Variants in NRG1 observed in about 807,000 individuals in gnomAD.
NRG1 encodes pro-neuregulin-1, membrane-bound isoform.
In NRG1, 18 loss-of-function variants were observed where a neutral mutation model predicts 63.8. The ratio of observed to expected loss-of-function variants is 0.28; its 90% CI spans 0.19 to 0.42. NRG1 has a LOEUF of 0.42. Among genes scored for constraint, NRG1 ranks in the 10% least tolerant of loss-of-function variants. The pLI is 1.00. For missense variants in NRG1, 762 were observed against 814.7 expected, an observed-to-expected ratio of 0.94 and a Z score of 0.79; for synonymous variants, 302 against 301.3, an observed-to-expected ratio of 1.00 and a Z score of -0.02.
Position 32,280,297 on chromosome 8 carries a change from A to G in NRG1, c.38-315531A>G, listed in dbSNP as rs115569146. 7.9e-3 allele frequency among the ~76,000 whole-genome samples: 1,206 copies of G among 152,372 alleles called. 16 individuals carry two copies. The highest frequency in any genetic ancestry group is 0.027 in the African/African-American group (1,134 of 41,588). ...CTTTCTAAAGGAGTTTTTCCACTTC[A>G]TATGACTCTGGCTGTTCAGAAGGAA... On this transcript the variant is annotated intron_variant, in intron 1 of 10. Coordinates refer to the NRG1 transcript ENST00000519301.
chr8:31,672,928 C>T lies in NRG1; in HGVS notation c.37+33497C>T, dbSNP rs114616357. Among the ~76,000 whole-genome samples the T allele has an allele frequency of 3.1e-3, 463 of 148,450 alleles. 3 individuals carry two copies. The highest frequency in any genetic ancestry group is 0.011 in the African/African-American group (445 of 40,424). On this transcript the variant is annotated intron_variant, in intron 1 of 10. Coordinates refer to the NRG1 transcript ENST00000519301. ...TCCTTTGTGTCATAAATATGCTTTACAATGTATAGGGCTAGAATCATAGTT... is the reference window on the plus strand; with the variant it reads ...TCCTTTGTGTCATAAATATGCTTTATAATGTATAGGGCTAGAATCATAGTT...
intron 1 of NRG1, among the ~76,000 whole-genome samples, chr8:31,992,360 C>G (rs747692489): frequency 1.3e-5 from 2 of 151,862 alleles, no homozygotes; most frequent in Non-Finnish European, 2.9e-5. Context: ...TTTAAAGATG[C>G]CTGCACTGCT....
intron 1 of NRG1, among the ~76,000 whole-genome samples, chr8:31,930,678 A>G (rs111965639): frequency 0.015 from 2,220 of 152,292 alleles, 43 homozygotes; most frequent in African/African-American, 0.051. Context: ...ATTTTTTTGA[A>G]GACAACTTGC....
At chr8:31,821,338 G>A (rs1823986394) in intron 1 of NRG1, among the ~76,000 whole-genome samples, 2 of 152,116 alleles carry the variant, frequency 1.3e-5, no homozygotes, top group Admixed American at 1.3e-4. Context: ...AAGGTGAAAG[G>A]CACACTGTGT....
At chr8:31,922,197 C>A (rs1234629759) in intron 1 of NRG1, among the ~76,000 whole-genome samples, 1 of 152,136 alleles carries the variant, frequency 6.6e-6, no homozygotes, top group Admixed American at 6.5e-5. Context: ...TATATAACCA[C>A]CTTGTTATCG....
chr8:32,049,875 C>A (rs1031640390), intron 1 of NRG1, among the ~76,000 whole-genome samples: 1 of 152,106 alleles, frequency 6.6e-6, no homozygotes, highest in Admixed American at 6.6e-5. Context: ...GAGCTCTGAG[C>A]CTTCTCAGTG....
At chr8:32,047,570 G>A (rs1225843646) in intron 1 of NRG1, among the ~76,000 whole-genome samples, 1 of 151,960 alleles carries the variant, frequency 6.6e-6, no homozygotes, top group Admixed American at 6.6e-5. Flanking sequence ...TTACCTTCCT[G>A]AAAAGTGTGG....
At chr8:31,842,113 T>C (rs1309580444) in intron 1 of NRG1, among the ~76,000 whole-genome samples, 1 of 152,212 alleles carries the variant, frequency 6.6e-6, no homozygotes, top group Non-Finnish European at 1.5e-5. Flanking sequence ...TGGAAGTGAT[T>C]GATTTACCCA....
At chr8:31,954,425 A>G (rs16878550) in intron 1 of NRG1, among the ~76,000 whole-genome samples, 13,166 of 152,216 alleles carry the variant, frequency 0.086, 1,884 homozygotes, top group African/African-American at 0.3. Flanking sequence ...AAATGCTCAG[A>G]AACTTTTTTT....
intron 1 of NRG1, among the ~76,000 whole-genome samples, chr8:31,871,283 C>G (rs1183835431): frequency 6.6e-6 from 1 of 151,976 alleles, no homozygotes; most frequent in East Asian, 1.9e-4. Flanking sequence ...CCTTGTTTTC[C>G]TTTTGTCAAG....
chr8:31,857,981 A>C (rs1271037875), intron 1 of NRG1, among the ~76,000 whole-genome samples: 3 of 152,164 alleles, frequency 2.0e-5, no homozygotes, highest in South Asian at 2.1e-4. Context: ...AGTTGAGAGC[A>C]ATCTTGAAGC....
intron 1 of NRG1, among the ~76,000 whole-genome samples, chr8:32,535,879 A>C (rs1831916125): frequency 6.6e-6 from 1 of 152,138 alleles, no homozygotes; most frequent in Non-Finnish European, 1.5e-5. Context: ...GAGGTCTGGG[A>C]AAGTAAAATG....
intron 1 of NRG1, among the ~76,000 whole-genome samples, chr8:31,829,556 T>C (rs763089554): frequency 6.6e-6 from 1 of 152,244 alleles, no homozygotes; most frequent in Non-Finnish European, 1.5e-5. Context: ...TAGCTACAAG[T>C]TAATTTCCAA....
At chr8:32,672,640 G>C (rs1454148092) in intron 5 of NRG1, among the ~76,000 whole-genome samples, 1 of 152,162 alleles carries the variant, frequency 6.6e-6, no homozygotes, top group Non-Finnish European at 1.5e-5. Context: ...CACAGATGAT[G>C]ACATGGTAAG....
intron 1 of NRG1, among the ~76,000 whole-genome samples, chr8:32,079,066 A>C (rs957715640): frequency 1.3e-5 from 2 of 151,948 alleles, no homozygotes; most frequent in African/African-American, 4.8e-5. Flanking sequence ...GGCATATGGA[A>C]AGAAGCAAGG....
At chr8:32,659,643 G>A (rs2466046) in intron 5 of NRG1, among the ~76,000 whole-genome samples, 75,843 of 151,820 alleles carry the variant, frequency 0.5, 19,874 homozygotes, top group Non-Finnish European at 0.6. Context: ...TACAAAGCAC[G>A]TATCTCATAA....
At chr8:31,782,767 G>C (rs1440533204) in intron 1 of NRG1, among the ~76,000 whole-genome samples, 1 of 152,108 alleles carries the variant, frequency 6.6e-6, no homozygotes, top group African/African-American at 2.4e-5. Context: ...AGAGGATCTC[G>C]TTAAAATGTG....
intron 1 of NRG1, among the ~76,000 whole-genome samples, chr8:32,175,530 T>C (rs1004967009): frequency 6.6e-6 from 1 of 152,212 alleles, no homozygotes; most frequent in Admixed American, 6.5e-5. Context: ...TAGTCAAAGA[T>C]GAAGTCAAAT....
At chr8:31,724,923 G>A (rs2131324346) in intron 1 of NRG1, among the ~76,000 whole-genome samples, 1 of 152,228 alleles carries the variant, frequency 6.6e-6, no homozygotes, top group Middle Eastern at 3.4e-3. Flanking sequence ...ATAGGTCTCT[G>A]TTGCATCTAC....
Sources: gnomAD v4.1 joint callset for allele counts (sites outside exome capture counted in the v4.1 genomes callset) on GRCh38, gnomAD v4.1.1 for gene constraint, MANE v1.5 for transcripts, NCBI Gene and HGNC (gene_info 2026-07-23, HGNC 2026-07-21) for gene names.